The following SLC1A2 variants were observed in gnomAD, a reference collection of about 807,000 sequenced individuals.
The protein encoded by SLC1A2 is solute carrier family 1 member 2, also known as excitatory amino acid transporter 2.
Under a neutral mutation model 48.8 loss-of-function variants are expected in SLC1A2, and 15 were observed. The observed-to-expected ratio is 0.31, with a 90% CI of 0.21 to 0.47. The LOEUF is 0.47. Ranked by LOEUF, SLC1A2 falls within the 20% of genes least tolerant of loss-of-function variation. SLC1A2 has a pLI of 0.99. For synonymous variants in SLC1A2, 279 were observed against 272.6 expected (o/e 1.02, Z -0.23); for missense variants, 502 against 730.5 (o/e 0.69, Z 3.61).
chr11:35,262,390 T>G (rs1950407488), intron 10 of SLC1A2, among the ~76,000 whole-genome samples: 1 of 152,204 alleles, frequency 6.6e-6, no homozygotes, highest in South Asian at 2.1e-4. Context: ...GACAGCAGAT[T>G]TTTTTGGCGT....
chr11:35,292,895 A>G (rs969256352), intron 6 of SLC1A2, among the ~76,000 whole-genome samples: 1 of 152,090 alleles, frequency 6.6e-6, no homozygotes, highest in African/African-American at 2.4e-5. Flanking sequence ...GAAATTTGGG[A>G]ATTTGAGCTT....
intron 5 of SLC1A2, among the ~76,000 whole-genome samples, chr11:35,302,718 A>T (rs1851391009): frequency 6.6e-6 from 1 of 151,250 alleles, no homozygotes. Flanking sequence ...GGTCCCTTCC[A>T]TTCTCTCCCT....
At chr11:35,374,561 A>G (rs1051066051) in intron 1 of SLC1A2, 33 of 184,396 alleles carry the variant, frequency 1.8e-4, no homozygotes, top group Admixed American at 4.6e-4. Flanking sequence ...CACTAACACT[A>G]ATGATAGCTG....
chr11:35,412,757 A>C (rs1323808223), intron 1 of SLC1A2, among the ~76,000 whole-genome samples: 1 of 152,236 alleles, frequency 6.6e-6, no homozygotes, highest in African/African-American at 2.4e-5. Context: ...AGGGCCTGCT[A>C]TAAGCTCAGC....
chr11:35,280,801 G>C (rs1414370300), intron 9 of SLC1A2, 66 bp downstream of exon 9: 5 of 1,158,794 alleles, frequency 4.3e-6, no homozygotes, highest in Non-Finnish European at 6.0e-6. Context: ...TTGCAACCTT[G>C]CCACCTGTGC....
At chr11:35,392,990 C>T (rs1272027616) in intron 1 of SLC1A2, among the ~76,000 whole-genome samples, 2 of 152,158 alleles carry the variant, frequency 1.3e-5, no homozygotes, top group Non-Finnish European at 2.9e-5. Context: ...AGATGACTAT[C>T]GTTACAACCG....
chr11:35,398,325 C>G (rs754947044), intron 1 of SLC1A2, among the ~76,000 whole-genome samples: 23 of 152,130 alleles, frequency 1.5e-4, no homozygotes, highest in Non-Finnish European at 3.2e-4. Flanking sequence ...GAATACCATG[C>G]AGCCATAAAA....
chr11:35,281,117 C>A (rs988328632), intron 8 of SLC1A2, 116 bp from the exon 9 acceptor site: 17 of 1,365,110 alleles, frequency 1.2e-5, no homozygotes, highest in Middle Eastern at 2.5e-4. Context: ...CCAACCCCCA[C>A]CCCATACTCT....
chr11:35,389,441 C>A (rs562681539), intron 1 of SLC1A2, among the ~76,000 whole-genome samples: 1 of 132,188 alleles, frequency 7.6e-6, no homozygotes, highest in South Asian at 2.2e-4. Context: ...TTTTCTTCTT[C>A]TTCTCCTTCT....
intron 6 of SLC1A2, among the ~76,000 whole-genome samples, chr11:35,300,734 T>G (rs991979371): frequency 1.3e-5 from 2 of 152,212 alleles, no homozygotes; most frequent in East Asian, 3.8e-4. Context: ...TCTCTTTTCA[T>G]GCTGAGCGAG....
chr11:35,375,605 G>A (rs1206290268), intron 1 of SLC1A2, among the ~76,000 whole-genome samples: 2 of 152,196 alleles, frequency 1.3e-5, no homozygotes, highest in African/African-American at 4.8e-5. Context: ...AGTCAAGGTG[G>A]CTATTTCAGT....
intron 6 of SLC1A2, among the ~76,000 whole-genome samples, chr11:35,293,001 G>A (rs900944176): frequency 6.6e-5 from 10 of 151,854 alleles, no homozygotes; most frequent in Non-Finnish European, 1.3e-4. Context: ...GAGAGAGAGA[G>A]AGAGAGAACA....
At position 35,282,868 on chromosome 11, in the gene SLC1A2, G is replaced by A. The variant is rs563633679; in HGVS notation, c.1287-1867C>T. Among the ~76,000 whole-genome samples the A allele has an allele frequency of 6.6e-5, 10 of 152,152 alleles. No homozygotes were observed. In the South Asian group the frequency reaches 1.5e-3, roughly 22 times the overall value. On this transcript the variant is annotated intron_variant, in intron 8 of 10. Transcript: ENST00000278379. ...GTCCCTAATAATACCCTCACCCTCC[G>A]GTAGGCACTGTCTCTGTGTGTGGAA...
At chr11:35,314,818 A>C (rs907029480) in intron 3 of SLC1A2, among the ~76,000 whole-genome samples, 1 of 150,510 alleles carries the variant, frequency 6.6e-6, no homozygotes, top group Admixed American at 6.6e-5. Context: ...GCTGGAGAGA[A>C]AGACAAATAG....
At chr11:35,307,574 T>C (rs1851551544) in intron 4 of SLC1A2, among the ~76,000 whole-genome samples, 2 of 152,158 alleles carry the variant, frequency 1.3e-5, no homozygotes, top group South Asian at 4.1e-4. Flanking sequence ...AGTGCTGGCA[T>C]GTAGTAGGTA....
intron 4 of SLC1A2, among the ~76,000 whole-genome samples, chr11:35,308,398 C>T (rs959188331): frequency 1.3e-5 from 2 of 152,162 alleles, no homozygotes; most frequent in South Asian, 2.1e-4. Flanking sequence ...AGAAGCTGTT[C>T]GGTTGCACAA....
At chr11:35,278,962 T>C (rs1186786334) in intron 9 of SLC1A2, among the ~76,000 whole-genome samples, 1 of 152,078 alleles carries the variant, frequency 6.6e-6, no homozygotes, top group African/African-American at 2.4e-5. Flanking sequence ...GAGGTTGCAG[T>C]GAGCCAAGAT....
chr11:35,365,755 C>G (rs1379853566), intron 1 of SLC1A2, among the ~76,000 whole-genome samples: 1 of 152,186 alleles, frequency 6.6e-6, no homozygotes, highest in East Asian at 1.9e-4. Flanking sequence ...GTCTGTCTCT[C>G]CCATCAGGCT....
chr11:35,364,972 G>T (rs1853793227), intron 1 of SLC1A2, among the ~76,000 whole-genome samples: 1 of 152,166 alleles, frequency 6.6e-6, no homozygotes, highest in African/African-American at 2.4e-5. Flanking sequence ...GAGCAGGGCA[G>T]GTTCATCTGA....
Sources: allele counts gnomAD v4.1 joint callset (sites outside exome capture counted in the v4.1 genomes callset), GRCh38; gene constraint gnomAD v4.1.1; transcripts MANE v1.5; gene names NCBI Gene and HGNC (gene_info 2026-07-23, HGNC 2026-07-21).